The following ALK variants were observed in gnomAD, a reference collection of about 807,000 sequenced individuals.
ALK encodes ALK tyrosine kinase receptor.
In ALK, 74 loss-of-function variants were observed where a neutral mutation model predicts 163.1. The observed-to-expected ratio is 0.45, with a 90% CI of 0.38 to 0.55. The LOEUF (loss-of-function observed/expected upper bound fraction) is 0.55, where lower values mean the gene tolerates loss of function less well. Among genes scored for constraint, ALK ranks in the 20% least tolerant of loss-of-function variants. The probability of loss-of-function intolerance (pLI) is 0.00; values close to 1 mark genes in which losing one functional copy is unlikely to be tolerated. For missense variants in ALK, 2,063 were observed against 2,105.3 expected (o/e 0.98, Z 0.39); for synonymous variants, 960 against 843.2 (o/e 1.14, Z -2.40).
chr2:29,200,390 A>G (rs953229033), intron 26 of ALK, among the ~76,000 whole-genome samples: 3 of 152,194 alleles, frequency 2.0e-5, no homozygotes, highest in Non-Finnish European at 4.4e-5. Flanking sequence ...AAGAAGTAGT[A>G]TTGGTCATAG....
At chr2:29,251,353 G>T in intron 11 of ALK, 86 bp from the exon 12 acceptor site, 1 of 1,368,462 alleles carries the variant, frequency 7.3e-7, no homozygotes, top group Non-Finnish European at 1.0e-6. Context: ...TGAGATATCT[G>T]CTCCATGGCC....
intron 4 of ALK, among the ~76,000 whole-genome samples, chr2:29,477,662 T>A (rs1235973735): frequency 3.3e-5 from 5 of 152,114 alleles, no homozygotes; most frequent in Non-Finnish European, 7.4e-5. Context: ...AGCTGATAGA[T>A]CCTAACCGGC....
At chr2:29,387,394 A>T (rs1193266120) in intron 4 of ALK, among the ~76,000 whole-genome samples, 3 of 152,138 alleles carry the variant, frequency 2.0e-5, no homozygotes, top group Non-Finnish European at 4.4e-5. Flanking sequence ...TATTATAATG[A>T]GTATGTTAGA....
At chr2:29,232,207 G>T in intron 15 of ALK, 97 bp downstream of exon 15, 1 of 1,513,830 alleles carries the variant, frequency 6.6e-7, no homozygotes, top group Non-Finnish European at 9.2e-7. Context: ...CATCCCAGGT[G>T]CCAGTGACTA....
rs1665276443 is a variant in ALK at position 29,828,782 on chromosome 2, A to G, written c.667+91211T>C. On this transcript the variant is annotated intron_variant, in intron 1 of 28. Transcript: ENST00000389048. ...CGATTCCTCAGGGATCTAGAACTAGAAATACCATTTGACCCAGCCATCCCA... is the reference window on the plus strand; with the variant it reads ...CGATTCCTCAGGGATCTAGAACTAGGAATACCATTTGACCCAGCCATCCCA... Among the ~76,000 whole-genome samples, 3 of 152,132 alleles carry G rather than the reference A, an allele frequency of 2.0e-5. No individual in the cohort carries two copies. The South Asian group carries it at 6.3e-4, about 32-fold the overall frequency.
At chr2:29,423,445 G>A (rs1471263100) in intron 4 of ALK, among the ~76,000 whole-genome samples, 2 of 152,206 alleles carry the variant, frequency 1.3e-5, no homozygotes, top group African/African-American at 2.4e-5. Context: ...GGGAGCGAAG[G>A]CTTAGATCAC....
At chr2:29,286,554 GT>G (rs1336770313) in intron 9 of ALK, 2 of 152,076 alleles carry the variant, frequency 1.3e-5, no homozygotes, top group Admixed American at 6.5e-5. Flanking sequence ...TGATCATAAT[GT>G]TCATCCAAGT....
chr2:29,549,020 AGAGGAGGAGAAGGAG>A (rs34529499), intron 3 of ALK, among the ~76,000 whole-genome samples: 55,054 of 151,424 alleles, frequency 0.36, 10,129 homozygotes, highest in East Asian at 0.51. Flanking sequence ...CACTAAACAG[AGAGGAGGAGAAGGAG>A]GAGGAGGAGA....
chr2:29,374,835 C>A (rs1017359000), intron 5 of ALK, among the ~76,000 whole-genome samples: 1 of 152,088 alleles, frequency 6.6e-6, no homozygotes, highest in Non-Finnish European at 1.5e-5. Context: ...AGAAGGAGAG[C>A]GTTTTTAAAA....
chr2:29,711,667 T>C (rs1679106666), intron 2 of ALK, among the ~76,000 whole-genome samples: 1 of 152,086 alleles, frequency 6.6e-6, no homozygotes, highest in South Asian at 2.1e-4. Flanking sequence ...AAGTCAAGAC[T>C]GAAGCAAGCA....
chr2:29,588,326 G>A (rs1674948009), intron 3 of ALK, among the ~76,000 whole-genome samples: 1 of 152,122 alleles, frequency 6.6e-6, no homozygotes, highest in African/African-American at 2.4e-5. Flanking sequence ...CACCCACCAG[G>A]TTCAAGCGAT....
intron 1 of ALK, among the ~76,000 whole-genome samples, chr2:29,847,027 A>G (rs1259493359): frequency 6.6e-6 from 1 of 152,192 alleles, no homozygotes; most frequent in Non-Finnish European, 1.5e-5. Context: ...CACAGTTGCC[A>G]TCACCCCTGC....
At chr2:29,652,341 C>T (rs530393646) in intron 3 of ALK, among the ~76,000 whole-genome samples, 6 of 152,118 alleles carry the variant, frequency 3.9e-5, no homozygotes, top group African/African-American at 1.2e-4. Flanking sequence ...GAAGGAGTAA[C>T]GAGTTCTCTT....
At chr2:29,525,661 G>T (rs1191739366) in intron 4 of ALK, among the ~76,000 whole-genome samples, 8 of 151,746 alleles carry the variant, frequency 5.3e-5, no homozygotes. Context: ...GTGGTGGTGG[G>T]GGCCTGTAAT....
intron 4 of ALK, among the ~76,000 whole-genome samples, chr2:29,465,467 G>A (rs1310938203): frequency 1.3e-5 from 2 of 152,144 alleles, no homozygotes; most frequent in Admixed American, 1.3e-4. Context: ...GCTGAGGCAG[G>A]TGGATCACTT....
At chr2:29,309,866 A>C (rs527919975) in intron 8 of ALK, among the ~76,000 whole-genome samples, 1 of 152,270 alleles carries the variant, frequency 6.6e-6, no homozygotes, top group Non-Finnish European at 1.5e-5. Flanking sequence ...TTGCTGATTG[A>C]CTGAGAGGAG....
chr2:29,721,181 T>C (rs1313459664), intron 1 of ALK, among the ~76,000 whole-genome samples: 1 of 152,128 alleles, frequency 6.6e-6, no homozygotes, highest in East Asian at 1.9e-4. Context: ...CAAGGCAGAG[T>C]GAAAACCTCA....
chr2:29,262,380 A>G (rs1323250768), intron 11 of ALK, among the ~76,000 whole-genome samples: 2 of 152,224 alleles, frequency 1.3e-5, no homozygotes, highest in African/African-American at 4.8e-5. Context: ...ACATACATGC[A>G]CATATGCTTG....
intron 4 of ALK, among the ~76,000 whole-genome samples, chr2:29,466,917 TG>T (rs1169742357): frequency 1.3e-5 from 2 of 152,358 alleles, no homozygotes; most frequent in East Asian, 3.9e-4. Flanking sequence ...CATTTGTTGA[TG>T]GGTTATTATG....
Sources: gnomAD v4.1 joint callset for allele counts (sites outside exome capture counted in the v4.1 genomes callset) on GRCh38, gnomAD v4.1.1 for gene constraint, MANE v1.5 for transcripts, NCBI Gene and HGNC (gene_info 2026-07-23, HGNC 2026-07-21) for gene names.